The following ZBTB7C variants were observed in gnomAD, a reference collection of about 807,000 sequenced individuals.
ZBTB7C encodes the protein zinc finger and BTB domain containing 7C.
Under a neutral mutation model 25.7 loss-of-function variants are expected in ZBTB7C, and 8 were observed. That is an observed-to-expected ratio of 0.31 (90% confidence interval 0.18 to 0.56). The LOEUF is 0.56. Ranked by LOEUF, ZBTB7C falls within the 20% of genes least tolerant of loss-of-function variation. The probability of loss-of-function intolerance (pLI) is 0.91; values close to 1 mark genes in which losing one functional copy is unlikely to be tolerated. For missense variants in ZBTB7C, 824 were observed against 855.2 expected, an observed-to-expected ratio of 0.96 and a Z score of 0.46; for synonymous variants, 394 against 369.0, an observed-to-expected ratio of 1.07 and a Z score of -0.78.
intron 3 of ZBTB7C, among the ~76,000 whole-genome samples, chr18:48,076,029 G>A (rs763043589): frequency 3.3e-5 from 5 of 152,310 alleles, no homozygotes; most frequent in Middle Eastern, 3.4e-3. Context: ...CCTCCCCAGC[G>A]CCTGCTCAGG....
At chr18:48,362,799 T>C (rs2145109948) in intron 1 of ZBTB7C, among the ~76,000 whole-genome samples, 1 of 152,204 alleles carries the variant, frequency 6.6e-6, no homozygotes, top group South Asian at 2.1e-4. Flanking sequence ...GTTCCTTACC[T>C]CCTACTCTAA....
At chr18:48,207,131 C>G (rs748147517) in intron 2 of ZBTB7C, among the ~76,000 whole-genome samples, 1 of 152,208 alleles carries the variant, frequency 6.6e-6, no homozygotes, top group African/African-American at 2.4e-5. Context: ...GGACGTAGCA[C>G]TGAAGCAACC....
intron 2 of ZBTB7C, among the ~76,000 whole-genome samples, chr18:48,202,823 T>C (rs577042854): frequency 6.6e-6 from 1 of 152,144 alleles, no homozygotes; most frequent in East Asian, 1.9e-4. Context: ...AGAGTGTCCA[T>C]GTAGCCAGGA....
intron 2 of ZBTB7C, among the ~76,000 whole-genome samples, chr18:48,288,779 G>A (rs928717019): frequency 2.0e-5 from 3 of 152,170 alleles, no homozygotes; most frequent in Non-Finnish European, 4.4e-5. Flanking sequence ...ACCAGACATC[G>A]AATCTGCTGG....
intron 1 of ZBTB7C, among the ~76,000 whole-genome samples, chr18:48,408,847 C>T (rs542865059): frequency 2.6e-5 from 4 of 151,446 alleles, no homozygotes; most frequent in Non-Finnish European, 5.9e-5. Context: ...CGCCACTTCG[C>T]TCCGGGCCGC....
chr18:48,147,378 C>T (rs1050569935), intron 3 of ZBTB7C, among the ~76,000 whole-genome samples: 1 of 152,120 alleles, frequency 6.6e-6, no homozygotes, highest in South Asian at 2.1e-4. Flanking sequence ...GCACCCAGCC[C>T]TGCTTCGGTA....
rs929715171 is a variant in ZBTB7C at position 48,029,391 on chromosome 18, C to T, written c.1729G>A (p.Ala577Thr). 14 of 1,563,734 alleles carry T rather than the reference C, an allele frequency of 9.0e-6. No homozygotes were observed. The highest frequency in any genetic ancestry group is 1.8e-5 in the Admixed American group (1 of 55,968). The change falls in exon 5 of 5, where the codon GCG (alanine) becomes ACG (threonine). Residue 577 changes from alanine to threonine, a missense_variant. Ala to Thr is a moderately conservative substitution (Grantham distance 58). Transcript: ENST00000590800. The part of the protein sequence containing the change: ...ERNAGGLLAF[A>T]LAENVAAARP... Reference sequence around the variant, plus strand: ...GCCGCCGCCACGTTCTCGGCCAGCGCGAAGGCCAGGAGGCCCCCCGCGTTC... The same window carrying T: ...GCCGCCGCCACGTTCTCGGCCAGCGTGAAGGCCAGGAGGCCCCCCGCGTTC...
intron 2 of ZBTB7C, among the ~76,000 whole-genome samples, chr18:48,239,794 G>T (rs1411043535): frequency 2.6e-5 from 4 of 152,044 alleles, no homozygotes; most frequent in African/African-American, 9.7e-5. Context: ...CTGGTAATAT[G>T]ACAAAACAAG....
chr18:48,098,118 TGA>T (rs2038704779), intron 3 of ZBTB7C, among the ~76,000 whole-genome samples: 1 of 152,058 alleles, frequency 6.6e-6, no homozygotes. Flanking sequence ...TTGTGATGGG[TGA>T]GAGTTCAAAA....
chr18:48,375,581 C>G (rs917000206), intron 1 of ZBTB7C: 2 of 152,192 alleles, frequency 1.3e-5, no homozygotes, highest in African/African-American at 2.4e-5. Flanking sequence ...TCTTCATGTT[C>G]TGTGTGTGTA....
chr18:48,068,285 G>A (rs1372131317), intron 3 of ZBTB7C, among the ~76,000 whole-genome samples: 4 of 151,662 alleles, frequency 2.6e-5, no homozygotes, highest in Admixed American at 2.6e-4. Flanking sequence ...ACTACTCGGT[G>A]CCTGCCACCA....
At chr18:48,307,101 A>C in intron 2 of ZBTB7C, among the ~76,000 whole-genome samples, 1 of 152,118 alleles carries the variant, frequency 6.6e-6, no homozygotes, top group East Asian at 1.9e-4. Context: ...AAATCCCATT[A>C]ATTATATGGT....
At chr18:48,097,373 ATTG>A (rs200278426) in intron 3 of ZBTB7C, among the ~76,000 whole-genome samples, 9 of 134,586 alleles carry the variant, frequency 6.7e-5, no homozygotes, top group East Asian at 2.1e-4. Flanking sequence ...AACTTTTATT[ATTG>A]TTGTTGTTAT....
chr18:48,045,510 T>C (rs1164925689), intron 3 of ZBTB7C, among the ~76,000 whole-genome samples: 2 of 152,218 alleles, frequency 1.3e-5, no homozygotes, highest in East Asian at 1.9e-4. Flanking sequence ...GTGCCCTAAA[T>C]GTACCTTTGA....
At chr18:48,227,863 C>T (rs375975109) in intron 2 of ZBTB7C, among the ~76,000 whole-genome samples, 1 of 152,196 alleles carries the variant, frequency 6.6e-6, no homozygotes, top group African/African-American at 2.4e-5. Context: ...TTCTCTCCCT[C>T]TCAGAGTGAG....
chr18:48,226,033 G>A (rs529481432), intron 2 of ZBTB7C, among the ~76,000 whole-genome samples: 4 of 152,186 alleles, frequency 2.6e-5, no homozygotes, highest in South Asian at 2.1e-4. Flanking sequence ...AAGCCACCGC[G>A]CCCAGCCTGA....
At position 48,029,886 on chromosome 18, in the gene ZBTB7C, G is replaced by A. The variant is rs2035670591; in HGVS notation, c.1234C>T (p.Arg412Trp). 3.7e-6 allele frequency: 6 copies of A among 1,611,636 alleles called. 1 individual carries two copies. The East Asian group carries it at 8.9e-5, about 24-fold the overall frequency. The change falls in exon 5 of 5, where the codon CGG (arginine) becomes TGG (tryptophan). Residue 412 changes from arginine (R) to tryptophan (W), a missense_variant. This residue lies in a region of ZBTB7C where 49 missense variants were observed against 81.3 expected (regional missense o/e 0.60). Coordinates refer to ENST00000590800, the MANE Select transcript of ZBTB7C (RefSeq NM_001318841.2). ...TRQDKLKIHM[R>W]KHTGERPYLC... ...TAGGGCCGCTCCCCTGTGTGCTTCC[G>A]CATGTGGATTTTCAGCTTGTCCTGC...
At chr18:48,396,868 A>G (rs1470159741) in intron 1 of ZBTB7C, among the ~76,000 whole-genome samples, 3 of 152,248 alleles carry the variant, frequency 2.0e-5, no homozygotes, top group Non-Finnish European at 2.9e-5. Flanking sequence ...GTTGAAATAT[A>G]CAAGTATCCA....
At chr18:48,379,248 T>C (rs1199932713) in intron 1 of ZBTB7C, among the ~76,000 whole-genome samples, 1 of 152,204 alleles carries the variant, frequency 6.6e-6, no homozygotes, top group Non-Finnish European at 1.5e-5. Flanking sequence ...TACCACCCCC[T>C]CTTGATTACC....
Sources: gnomAD v4.1 joint callset for allele counts (sites outside exome capture counted in the v4.1 genomes callset) on GRCh38, gnomAD v4.1.1 for gene constraint, gnomAD v4.1.1 regional missense constraint, MANE v1.5 for transcripts, NCBI Gene and HGNC (gene_info 2026-07-23, HGNC 2026-07-21) for gene names.